Variants in JDP2 observed in about 807,000 individuals in gnomAD.
The protein encoded by JDP2 is Jun dimerization protein 2.
Under a neutral mutation model 17.1 loss-of-function variants are expected in JDP2, and 9 were observed. The observed-to-expected ratio is 0.53, with a 90% confidence interval of 0.32 to 0.92. The LOEUF is 0.92. JDP2 is among the 40% of genes least tolerant of loss of function. The pLI is 0.04. For synonymous variants in JDP2, 107 were observed against 95.6 expected (o/e 1.12, Z -0.69); for missense variants, 179 against 220.0 (o/e 0.81, Z 1.18).
In JDP2 at chr14:75,469,578, A is replaced by G; in HGVS notation, c.*103A>G. 1 of 995,498 alleles carries G rather than the reference A, an allele frequency of 1.0e-6. No homozygotes were observed. Among genetic ancestry groups the G allele is most frequent in the Non-Finnish European group, 1.5e-6 (1 of 678,354 alleles). 61.7% of individuals were successfully genotyped at this position (995,498 alleles called of 1,614,324 possible). ...GATGGCCCTTCCTTTGGTGCATGAAAAACTGTACAATGAGGTTCAGCACAG... is the reference window on the plus strand; with the variant it reads ...GATGGCCCTTCCTTTGGTGCATGAAGAACTGTACAATGAGGTTCAGCACAG... On this transcript the variant is annotated 3_prime_UTR_variant, in exon 4 of 4. Coordinates refer to ENST00000651602, the MANE Select transcript of JDP2 (RefSeq NM_001135048.2).
intron 2 of JDP2, among the ~76,000 whole-genome samples, chr14:75,443,657 T>C (rs576850086): frequency 6.6e-6 from 1 of 152,328 alleles, no homozygotes; most frequent in East Asian, 1.9e-4. Context: ...TTGAGTCTTA[T>C]TTGATACCAT....
Position 75,430,121 on chromosome 14 carries a change from T to C in JDP2, c.-24+1869T>C, listed in dbSNP as rs1249130286. Among the ~76,000 whole-genome samples the C allele has an allele frequency of 1.3e-5, 2 of 152,234 alleles. No individual in the cohort carries two copies. Among genetic ancestry groups the C allele is most frequent in the Non-Finnish European group, 2.9e-5 (2 of 68,044 alleles). ...GCTCCTCCTGACTCCCTGGGTTTGT[T>C]GTCATCTCCCTACCTGTTTGTAGGA... On this transcript the variant is annotated intron_variant, in intron 1 of 3. Coordinates refer to ENST00000651602, the MANE Select transcript of JDP2 (RefSeq NM_001135048.2). This position sits in a 1 kb window ranked among gnomAD's most constrained non-coding sequence, Gnocchi z 4.5.
intron 2 of JDP2, among the ~76,000 whole-genome samples, chr14:75,440,034 T>G (rs1332186657): frequency 6.6e-6 from 1 of 152,220 alleles, no homozygotes; most frequent in African/African-American, 2.4e-5. Flanking sequence ...TTTTTATTTT[T>G]TATTTTTGGA....
intron 2 of JDP2, among the ~76,000 whole-genome samples, chr14:75,455,885 C>T (rs951218532): frequency 6.6e-6 from 1 of 152,130 alleles, no homozygotes; most frequent in Non-Finnish European, 1.5e-5. Flanking sequence ...TGGTACCGAC[C>T]GAGGTGACCC....
In JDP2 at chr14:75,437,915, C is replaced by A; in HGVS notation, c.-6C>A. On this transcript the variant is annotated 5_prime_UTR_variant, in exon 2 of 4. Coordinates refer to ENST00000651602, the MANE Select transcript of JDP2 (RefSeq NM_001135048.2). ...CACTCCAGGCTGGCCTGCCACTCCT[C>A]CTGCTATGATGCCTGGGCAGATCCC... 6.2e-7 allele frequency: 1 copy of A among 1,602,192 alleles called. No individual in the cohort carries two copies.
Position 75,436,785 on chromosome 14 carries a change from C to T in JDP2, c.-23-1113C>T, listed in dbSNP as rs145392051. Reference sequence around the variant, plus strand: ...CCCCCAGTAAAGGGAAGGAAGAATTCCCTTGGTGTTGACCTGTCTAATTTA... The same window carrying T: ...CCCCCAGTAAAGGGAAGGAAGAATTTCCTTGGTGTTGACCTGTCTAATTTA... On this transcript the variant is annotated intron_variant, in intron 1 of 3. Transcript: ENST00000651602. Among the ~76,000 whole-genome samples, 786 of 152,280 alleles carry T rather than the reference C, an allele frequency of 5.2e-3. 8 individuals are homozygous for T. Among genetic ancestry groups the T allele is most frequent in the Non-Finnish European group, 4.6e-3 (315 of 68,030 alleles).
chr14:75,432,317 TC>T, intron 1 of JDP2: 2 of 1,551,532 alleles, frequency 1.3e-6, no homozygotes, highest in Non-Finnish European at 1.7e-6. Context: ...TGGTTGATTC[TC>T]CAAGATTCAT....
At position 75,445,550 on chromosome 14, in the gene JDP2, T is replaced by C. The variant is rs1336716857; in HGVS notation, c.201+7429T>C. 8.1e-6 allele frequency: 8 copies of C among 985,272 alleles called. No individual in the cohort carries two copies. The South Asian group carries it at 1.4e-4, about 17-fold the overall frequency. The allele number at this position is 985,272 out of a possible 1,614,324, so 61.0% of individuals were successfully genotyped here. On this transcript the variant is annotated intron_variant, in intron 2 of 3. Coordinates refer to ENST00000651602, the MANE Select transcript of JDP2 (RefSeq NM_001135048.2). ...AATGTAGCAAAGCAGGACTGCTGCA[T>C]TGGAATAGTTTGGCTCTGGAGAGTT...
At chr14:75,440,503 TTAA>T (rs1306021204) in intron 2 of JDP2, among the ~76,000 whole-genome samples, 1 of 152,248 alleles carries the variant, frequency 6.6e-6, no homozygotes, top group African/African-American at 2.4e-5. Context: ...AAAAGTTTCT[TTAA>T]TAATAATCAG....
chr14:75,454,205 A>T (rs1217918587), intron 2 of JDP2, among the ~76,000 whole-genome samples: 1 of 109,340 alleles, frequency 9.1e-6, no homozygotes, highest in Non-Finnish European at 1.9e-5. Context: ...CTTGAATGTT[A>T]CACCTTCATG....
In JDP2 at chr14:75,470,312, T is replaced by TA. The variant is rs1480499520; in HGVS notation, c.*838dup. On this transcript the variant is annotated 3_prime_UTR_variant, in exon 4 of 4. Coordinates refer to ENST00000651602, the MANE Select transcript of JDP2 (RefSeq NM_001135048.2). ...TTGTTATGAACAGATAGCCACCAGT[T>TA]ACGGCCGTTGTGTGTAACTCCTAAG... The TA allele has an allele frequency of 8.5e-5, 13 of 152,150 alleles. No homozygotes were observed. Among genetic ancestry groups the TA allele is most frequent in the Admixed American group, 2.0e-4 (3 of 15,216 alleles). 9.4% of individuals were successfully genotyped at this position (152,150 alleles called of 1,614,324 possible).
At chr14:75,450,315 A>G (rs1313666169) in intron 2 of JDP2, among the ~76,000 whole-genome samples, 1 of 152,210 alleles carries the variant, frequency 6.6e-6, no homozygotes, top group Non-Finnish European at 1.5e-5. Flanking sequence ...GGGCACACTC[A>G]TTCCCCTTCT....
intron 2 of JDP2, among the ~76,000 whole-genome samples, chr14:75,446,791 G>A (rs952985822): frequency 1.3e-5 from 2 of 152,170 alleles, no homozygotes. Context: ...TACTTTAATG[G>A]ACAAATTGTA....
At chr14:75,456,711 G>T (rs1021631522) in intron 2 of JDP2, among the ~76,000 whole-genome samples, 1 of 152,174 alleles carries the variant, frequency 6.6e-6, no homozygotes, top group Non-Finnish European at 1.5e-5. Flanking sequence ...TGTGCCTGGG[G>T]GTGAAGTTGG....
At chr14:75,462,534 C>A (rs988082658) in intron 3 of JDP2, among the ~76,000 whole-genome samples, 1 of 152,164 alleles carries the variant, frequency 6.6e-6, no homozygotes, top group East Asian at 1.9e-4. Context: ...AAGTGTGGGG[C>A]TGAGTAATTT....
At chr14:75,455,282 G>A (rs191204316) in intron 2 of JDP2, among the ~76,000 whole-genome samples, 2 of 152,270 alleles carry the variant, frequency 1.3e-5, no homozygotes, top group East Asian at 1.9e-4. Context: ...CCTGGCAAAC[G>A]TCCAGGAAGT....
intron 2 of JDP2, among the ~76,000 whole-genome samples, chr14:75,441,415 C>G (rs887661201): frequency 6.6e-6 from 1 of 152,214 alleles, no homozygotes; most frequent in Admixed American, 6.5e-5. Context: ...TCCCTTTGTT[C>G]AAGCCATATT....
At chr14:75,466,810 C>G (rs10220621) in intron 3 of JDP2, among the ~76,000 whole-genome samples, 43,670 of 152,136 alleles carry the variant, frequency 0.29, 6,964 homozygotes, top group East Asian at 0.42. Flanking sequence ...CTTCATTCCT[C>G]AGACCCTCCA....
intron 3 of JDP2, among the ~76,000 whole-genome samples, chr14:75,467,569 T>A (rs868079090): frequency 2.0e-5 from 3 of 151,166 alleles, no homozygotes; most frequent in Non-Finnish European, 4.4e-5. Flanking sequence ...CTCAGGAGAG[T>A]TTGAAGATGG....
Sources: gnomAD v4.1 joint callset for allele counts (sites outside exome capture counted in the v4.1 genomes callset) on GRCh38, gnomAD v4.1.1 for gene constraint, Gnocchi (gnomAD v3.1) non-coding constraint, MANE v1.5 for transcripts, NCBI Gene and HGNC (gene_info 2026-07-23, HGNC 2026-07-21) for gene names.